RBM26: variants seen among roughly 807,000 people sequenced by gnomAD.
RBM26 encodes the protein RNA-binding protein 26.
Under a neutral mutation model 123.6 loss-of-function variants are expected in RBM26, and 30 were observed. That is an observed-to-expected ratio of 0.24 (90% CI 0.18 to 0.33). RBM26 has a LOEUF of 0.33. Among genes scored for constraint, RBM26 ranks in the 10% least tolerant of loss-of-function variants. RBM26 has a pLI of 1.00. For missense variants in RBM26, 947 were observed against 1,203.6 expected (o/e 0.79, Z 3.15); for synonymous variants, 400 against 404.4 (o/e 0.99, Z 0.13).
At chr13:79,390,827 C>T (rs2077904846) in intron 1 of RBM26, among the ~76,000 whole-genome samples, 1 of 152,062 alleles carries the variant, frequency 6.6e-6, no homozygotes, top group Non-Finnish European at 1.5e-5. Flanking sequence ...CAAGGAAAAC[C>T]AGGCAGGAAA....
chr13:79,372,234 G>A (rs1195164614), intron 3 of RBM26, among the ~76,000 whole-genome samples: 3 of 152,276 alleles, frequency 2.0e-5, no homozygotes, highest in African/African-American at 4.8e-5. Flanking sequence ...AGCTGAGATC[G>A]CGCCAGTGCA....
chr13:79,343,695 ATTAAT>A (rs749034446), intron 16 of RBM26, among the ~76,000 whole-genome samples: 1 of 151,912 alleles, frequency 6.6e-6, no homozygotes, highest in Admixed American at 6.6e-5. Flanking sequence ...AACAAATACA[ATTAAT>A]TTAATAAAAT....
At chr13:79,395,333 C>T (rs2078461441) in intron 1 of RBM26, among the ~76,000 whole-genome samples, 1 of 152,068 alleles carries the variant, frequency 6.6e-6, no homozygotes, top group South Asian at 2.1e-4. Context: ...AGGTGGGGAA[C>T]TTCAGTGAAT....
intron 21 of RBM26, 42 bp from the exon 22 acceptor site, chr13:79,320,752 A>AG (rs749248942): frequency 2.2e-5 from 32 of 1,460,594 alleles, no homozygotes; most frequent in Non-Finnish European, 2.7e-5. Context: ...CAAAAAAAAA[A>AG]AAAAGAAAAG....
At chr13:79,334,536 T>C (rs2138856727) in intron 19 of RBM26, 106 bp from the exon 20 acceptor site, 2 of 547,626 alleles carry the variant, frequency 3.7e-6, no homozygotes, top group South Asian at 2.7e-5. Context: ...TAACCCAGAA[T>C]ACATAACAAT....
intron 1 of RBM26, among the ~76,000 whole-genome samples, chr13:79,397,275 G>A (rs1027940336): frequency 3.3e-5 from 5 of 152,104 alleles, no homozygotes; most frequent in African/African-American, 1.2e-4. Flanking sequence ...TCTCAATCTG[G>A]TAAAAGGCAG....
At position 79,342,838 on chromosome 13, in the gene RBM26, A is replaced by C. The variant is rs3742118; in HGVS notation, c.2260-7T>G. ...CCAGTTTTGAAATTAACATCTGCCA[A>C]ATTTTTAAAAAGAGAAAAATAAAGC... On this transcript the variant is annotated splice_region_variant and splice_polypyrimidine_tract_variant and intron_variant, in intron 16 of 21. Transcript: ENST00000438737. 1.3e-6 allele frequency: 2 copies of C among 1,545,552 alleles called. No individual in the cohort carries two copies. The highest frequency in any genetic ancestry group is 1.8e-6 in the Non-Finnish European group (2 of 1,134,270).
downstream of RBM26, among the ~76,000 whole-genome samples, chr13:79,318,052 T>C (rs566974992): frequency 1.3e-5 from 2 of 151,634 alleles, no homozygotes; most frequent in East Asian, 1.9e-4. Flanking sequence ...AGATAAATTA[T>C]ATTACAATGT....
chr13:79,314,814 A>C (rs1326142476), downstream of RBM26: 1 of 358,352 alleles, frequency 2.8e-6, no homozygotes, highest in African/African-American at 2.2e-5. Flanking sequence ...ACTCAGATGT[A>C]CTCTTAGAGA....
intron 2 of RBM26, among the ~76,000 whole-genome samples, chr13:79,377,929 A>C (rs2076782846): frequency 6.8e-3 from 1 of 148 alleles, no homozygotes; most frequent in South Asian, 0.5. Flanking sequence ...CTCCGTCTCA[A>C]AAAAAAAAAA....
chr13:79,370,849 AAAAATGAAGAC>A, intron 5 of RBM26, 85 bp downstream of exon 5: 1 of 1,324,492 alleles, frequency 7.6e-7, no homozygotes, highest in Non-Finnish European at 1.0e-6. Context: ...CATAATAGAA[AAAAATGAAGAC>A]AACACTGACA....
rs750001883 is a variant in RBM26, at chr13:79,366,175, G to C, written c.1156C>G (p.Pro386Ala). The C allele has an allele frequency of 2.1e-5, 34 of 1,613,326 alleles. No homozygotes were observed. The Admixed American group carries it at 5.3e-4, about 25-fold the overall frequency. Reference sequence around the variant, plus strand: ...GCATCCATGCCAGATGGCTGCAAAGGAGGAAGTGGAGGTGGTGGTCCTGTC... The same window carrying C: ...GCATCCATGCCAGATGGCTGCAAAGCAGGAAGTGGAGGTGGTGGTCCTGTC... Reference protein sequence around the residue: ...PVTGPPPPLPPLQPSGMDAPP... With the variant: ...PVTGPPPPLPALQPSGMDAPP... The change falls in exon 8 of 22, where the codon CCT becomes GCT. Residue 386 changes from proline (P) to alanine (A), a missense_variant. Transcript: ENST00000438737.
Position 79,320,500 on chromosome 13 carries a change from T to C in RBM26, c.*121A>G. On this transcript the variant is annotated 3_prime_UTR_variant, in exon 22 of 22. Coordinates refer to ENST00000438737, the MANE Select transcript of RBM26 (RefSeq NM_001366735.2). ...AGTTTTCTTCTTTTTTGTCTATTTG[T>C]GAAATCCATCTTCATCACATTTTAC... 7.9e-7 allele frequency: 1 copy of C among 1,268,932 alleles called. No homozygotes were observed. The highest frequency in any genetic ancestry group is 1.0e-6 in the Non-Finnish European group (1 of 1,001,736). 78.6% of individuals were successfully genotyped at this position (1,268,932 alleles called of 1,614,324 possible). A position where few individuals can be genotyped will look rare whatever the true frequency, so the allele number is the denominator to read the frequency against.
chr13:79,346,827 G>C (rs1191296140), intron 14 of RBM26, among the ~76,000 whole-genome samples: 1 of 152,106 alleles, frequency 6.6e-6, no homozygotes, highest in Non-Finnish European at 1.5e-5. Flanking sequence ...GAGAAACACA[G>C]GATAAACTGA....
At chr13:79,378,667 T>C in intron 2 of RBM26, 122 bp downstream of exon 2, 2 of 515,592 alleles carry the variant, frequency 3.9e-6, no homozygotes, top group Non-Finnish European at 7.0e-6. Flanking sequence ...CTTGAACTCC[T>C]GACCTCAGGT....
rs551377015 is a variant in RBM26, at chr13:79,329,046, A to C, written c.2820+5298T>G. Among the ~76,000 whole-genome samples, 15 of 152,206 alleles carry C rather than the reference A, an allele frequency of 9.9e-5. No homozygotes were observed. In the South Asian group the frequency reaches 1.0e-3, roughly 11 times the overall value. On this transcript the variant is annotated intron_variant, in intron 20 of 21. Transcript: ENST00000438737. ...TGGTGGGCAAATAAGTATAACCTTT[A>C]TGGTGGGCAATTTTCATTAAAAATT...
chr13:79,399,058 T>C lies in RBM26; in HGVS notation c.71+6646A>G, dbSNP rs914155824. The stretch of plus-strand genomic sequence containing the variant: ...AAGCTAAAATAACACGACTAAATAA[T>C]TTAATGTACAAGTGATGAGTGTCAT... On this transcript the variant is annotated intron_variant, in intron 1 of 21. Transcript: ENST00000438737. 4.6e-5 allele frequency among the ~76,000 whole-genome samples: 7 copies of C among 152,168 alleles called. No individual in the cohort carries two copies. The East Asian group carries it at 1.3e-3, about 29-fold the overall frequency.
At chr13:79,370,455 T>C (rs1377664257) in intron 5 of RBM26, among the ~76,000 whole-genome samples, 1 of 152,230 alleles carries the variant, frequency 6.6e-6, no homozygotes, top group East Asian at 1.9e-4. Flanking sequence ...TGTTATGGTA[T>C]GGATATACCA....
chr13:79,328,022 C>T (rs942358329), intron 20 of RBM26, among the ~76,000 whole-genome samples: 2 of 151,992 alleles, frequency 1.3e-5, no homozygotes, highest in African/African-American at 2.4e-5. Flanking sequence ...GTAAAAAGTA[C>T]TGAAGAACTT....
Sources: allele counts gnomAD v4.1 joint callset (sites outside exome capture counted in the v4.1 genomes callset), GRCh38; gene constraint gnomAD v4.1.1; transcripts MANE v1.5; gene names NCBI Gene and HGNC (gene_info 2026-07-23, HGNC 2026-07-21).